The following MCC variants were observed in gnomAD, a reference collection of about 807,000 sequenced individuals.
MCC encodes the protein colorectal mutant cancer protein.
MCC carries 90 observed loss-of-function variants against 116.2 expected under a neutral mutation model. The observed-to-expected ratio is 0.77, with a 90% confidence interval of 0.65 to 0.92. The LOEUF is 0.92. Ranked by LOEUF, MCC falls within the 40% of genes least tolerant of loss-of-function variation. MCC has a pLI of 0.00. For missense variants in MCC, 1,516 were observed against 1,312.2 expected (o/e 1.16, Z -2.40); for synonymous variants, 578 against 510.5 (o/e 1.13, Z -1.78).
intron 1 of MCC, among the ~76,000 whole-genome samples, chr5:113,480,604 G>C (rs1158288353): frequency 2.0e-5 from 3 of 152,144 alleles, no homozygotes; most frequent in Non-Finnish European, 4.4e-5. Context: ...TTAAGATCAG[G>C]AGTGTCAACA....
intron 1 of MCC, among the ~76,000 whole-genome samples, chr5:113,469,038 A>T (rs1217406948): frequency 4.0e-5 from 6 of 151,796 alleles, no homozygotes; most frequent in African/African-American, 7.3e-5. Flanking sequence ...ATCCCCTTTA[A>T]CATTTTTTAT....
At chr5:113,038,153 TAGG>T (rs1234385113) in intron 17 of MCC, among the ~76,000 whole-genome samples, 1 of 151,670 alleles carries the variant, frequency 6.6e-6, no homozygotes, top group Non-Finnish European at 1.5e-5. Flanking sequence ...CCTGGATCAT[TAGG>T]AGAAGGGGAT....
chr5:113,028,832 G>C, intron 18 of MCC, 102 bp downstream of exon 18: 1 of 1,371,864 alleles, frequency 7.3e-7, no homozygotes, highest in Middle Eastern at 2.4e-4. Context: ...GTTCTTAAGA[G>C]TTAGGGAAAT....
chr5:113,234,376 C>T (rs1456874286), intron 3 of MCC: 1 of 152,028 alleles, frequency 6.6e-6, no homozygotes, highest in Non-Finnish European at 1.5e-5. Flanking sequence ...GGTCATGATC[C>T]TAGCAAGCCA....
chr5:113,145,609 G>A (rs1759447815), intron 4 of MCC, among the ~76,000 whole-genome samples: 1 of 152,100 alleles, frequency 6.6e-6, no homozygotes, highest in African/African-American at 2.4e-5. Context: ...ACCACCAAAA[G>A]ACCACCCTTC....
intron 12 of MCC, among the ~76,000 whole-genome samples, chr5:113,068,388 G>C (rs989979781): frequency 2.0e-5 from 3 of 152,154 alleles, no homozygotes; most frequent in Non-Finnish European, 2.9e-5. Context: ...CCTTTAACTT[G>C]GTTCTGGAAA....
intron 1 of MCC, among the ~76,000 whole-genome samples, chr5:113,407,129 T>C (rs907190524): frequency 3.3e-5 from 5 of 152,168 alleles, no homozygotes; most frequent in African/African-American, 7.2e-5. Context: ...TAAGTTAAAA[T>C]AATTATTATT....
At chr5:113,390,008 A>C (rs1250965127) in intron 1 of MCC, among the ~76,000 whole-genome samples, 2 of 152,212 alleles carry the variant, frequency 1.3e-5, no homozygotes, top group East Asian at 3.8e-4. Context: ...TTTTCAGAGG[A>C]AGAGATACTA....
At chr5:113,274,831 ACT>A (rs1322393043) in intron 3 of MCC, among the ~76,000 whole-genome samples, 1 of 151,992 alleles carries the variant, frequency 6.6e-6, no homozygotes, top group African/African-American at 2.4e-5. Context: ...CCCACAATCA[ACT>A]CTTTCTATTT....
chr5:113,111,067 C>A (rs1757064983), intron 6 of MCC, among the ~76,000 whole-genome samples: 1 of 152,172 alleles, frequency 6.6e-6, no homozygotes, highest in Admixed American at 6.5e-5. Context: ...AGTTGGCCTC[C>A]TGATAAGAGC....
intron 16 of MCC, among the ~76,000 whole-genome samples, chr5:113,045,546 T>C (rs1312120533): frequency 6.6e-6 from 1 of 152,210 alleles, no homozygotes; most frequent in East Asian, 1.9e-4. Context: ...ACGCCTGTAA[T>C]CTCAGCACTT....
chr5:113,221,810 A>G (rs1763561913), intron 3 of MCC, among the ~76,000 whole-genome samples: 1 of 150,316 alleles, frequency 6.7e-6, no homozygotes, highest in Non-Finnish European at 1.5e-5. Context: ...CCCCACCACT[A>G]AATTATCCTT....
chr5:113,174,930 G>C (rs1761256818), intron 3 of MCC, among the ~76,000 whole-genome samples: 1 of 152,064 alleles, frequency 6.6e-6, no homozygotes, highest in Non-Finnish European at 1.5e-5. Flanking sequence ...AATTAACATA[G>C]TGTGATCTCA....
In MCC at chr5:113,333,688, A is replaced by G. The variant is rs895831664; in HGVS notation, c.627+6831T>C. On this transcript the variant is annotated intron_variant, in intron 3 of 18. Transcript: ENST00000408903. ...TGTGTTTACAGCTTCATCATTTGAA[A>G]TGTTACAGAAAAACTCATGAAACAG... Among the ~76,000 whole-genome samples, 5 of 148,030 alleles carry G rather than the reference A, an allele frequency of 3.4e-5. 1 individual carries two copies. The highest frequency in any genetic ancestry group is 1.3e-4 in the African/African-American group (5 of 39,592).
intron 11 of MCC, among the ~76,000 whole-genome samples, chr5:113,080,284 C>T (rs890679809): frequency 5.3e-5 from 8 of 152,154 alleles, no homozygotes; most frequent in African/African-American, 1.9e-4. Context: ...ACCATTTGAC[C>T]CAGCCATCCC....
At chr5:113,346,630 CAACAAA>C (rs1456368492) in intron 2 of MCC, among the ~76,000 whole-genome samples, 8 of 103,124 alleles carry the variant, frequency 7.8e-5, no homozygotes, top group Admixed American at 2.9e-4. Flanking sequence ...ACAACAACAA[CAACAAA>C]AAAAACAACA....
chr5:113,313,161 A>G (rs1331825249), intron 3 of MCC, among the ~76,000 whole-genome samples: 2 of 152,162 alleles, frequency 1.3e-5, no homozygotes, highest in African/African-American at 4.8e-5. Context: ...CCTGGCCAAC[A>G]TGGTGAAACC....
At chr5:113,158,947 G>T (rs2150295920) in intron 3 of MCC, among the ~76,000 whole-genome samples, 1 of 152,244 alleles carries the variant, frequency 6.6e-6, no homozygotes, top group Non-Finnish European at 1.5e-5. Context: ...GTGTGGAGGG[G>T]TGGATGTGGG....
chr5:113,182,643 C>G (rs10057729), intron 3 of MCC, among the ~76,000 whole-genome samples: 33,044 of 152,074 alleles, frequency 0.22, 4,088 homozygotes, highest in African/African-American at 0.34. Context: ...AAGATACTCA[C>G]AGGGAAATAT....
Sources: allele counts gnomAD v4.1 joint callset (sites outside exome capture counted in the v4.1 genomes callset), GRCh38; gene constraint gnomAD v4.1.1; transcripts MANE v1.5; gene names NCBI Gene and HGNC (gene_info 2026-07-23, HGNC 2026-07-21).